Variants in DERL2 observed in about 807,000 individuals in gnomAD.
DERL2 encodes derlin-2.
Under a neutral mutation model 32.0 loss-of-function variants are expected in DERL2, and 13 were observed. The observed-to-expected ratio is 0.41, with a 90% confidence interval of 0.26 to 0.65. The LOEUF (loss-of-function observed/expected upper bound fraction) is 0.65, where lower values mean the gene tolerates loss of function less well. Ranked by LOEUF, DERL2 falls within the 30% of genes least tolerant of loss-of-function variation. The pLI is 0.35. For missense variants in DERL2, 208 were observed against 296.3 expected (o/e 0.70, Z 2.19); for synonymous variants, 111 against 104.7 (o/e 1.06, Z -0.37).
rs1905294907 is a variant in DERL2 at position 5,475,012 on chromosome 17, A to T, written c.615-223T>A. Reference sequence around the variant, plus strand: ...CTACAAAAGCAATCCAAATCATAATAATTACAGAGAAGGAGGAAATAGAGA... The same window carrying T: ...CTACAAAAGCAATCCAAATCATAATTATTACAGAGAAGGAGGAAATAGAGA... On this transcript the variant is annotated intron_variant, in intron 6 of 6. Transcript: ENST00000158771. 2.0e-5 allele frequency among the ~76,000 whole-genome samples: 3 copies of T among 152,226 alleles called. No individual in the cohort carries two copies. In the South Asian group the frequency reaches 6.2e-4, roughly 31 times the overall value.
At chr17:5,484,280 CTT>C (rs897115752) in intron 2 of DERL2, among the ~76,000 whole-genome samples, 11 of 152,230 alleles carry the variant, frequency 7.2e-5, no homozygotes, top group African/African-American at 9.6e-5. Context: ...GGGTTTCGCT[CTT>C]GTCTCCCAGG....
chr17:5,480,883 C>A lies in DERL2; in HGVS notation c.328-301G>T, dbSNP rs573707119. The A allele has an allele frequency of 2.8e-5, 13 of 462,186 alleles. No individual in the cohort carries two copies. In the South Asian group the frequency reaches 3.3e-4, roughly 12 times the overall value. The allele number at this position is 462,186 out of a possible 1,614,324, so 28.6% of individuals were successfully genotyped here. ...CAATAATTATATTAAAGCTTGCTCA[C>A]GATTAGCACCTTTACAGAGATGAAT... On this transcript the variant is annotated intron_variant, in intron 4 of 6. Transcript: ENST00000158771.
At position 5,480,091 on chromosome 17, in the gene DERL2, G is replaced by C. The variant is rs755770900; in HGVS notation, c.577C>G (p.Pro193Ala). Residue 193 changes from proline (P) to alanine (A), a missense_variant, in exon 6 of 7, where the codon CCT becomes GCT. Pro to Ala is a conservative substitution (Grantham distance 27, BLOSUM62 -1). This residue lies in a region of DERL2 where 124 missense variants were observed against 215.3 expected (regional missense o/e 0.58). Transcript: ENST00000158771. ...GTTTTCAGAATTCTTATTCCACCAG[G>C]TTGATTGGGAAATACATCTTCCAAG... ...FFLEDVFPNQ[P>A]GGIRILKTPS... The C allele has an allele frequency of 6.2e-7, 1 of 1,610,466 alleles. No individual in the cohort carries two copies. The highest frequency in any genetic ancestry group is 8.5e-7 in the Non-Finnish European group (1 of 1,177,226).
At chr17:5,485,276 C>CA in intron 1 of DERL2, 60 bp from the exon 2 acceptor site, 2 of 1,279,174 alleles carry the variant, frequency 1.6e-6, no homozygotes, top group Non-Finnish European at 1.1e-6. Flanking sequence ...TCATTTACAA[C>CA]AAAGAATTAG....
At chr17:5,478,844 G>A (rs1905566085) in intron 6 of DERL2, among the ~76,000 whole-genome samples, 1 of 152,196 alleles carries the variant, frequency 6.6e-6, no homozygotes, top group African/African-American at 2.4e-5. Context: ...TTTTGAGACA[G>A]GGTGCCACTC....
At chr17:5,483,509 T>C (rs1055472519) in intron 2 of DERL2, among the ~76,000 whole-genome samples, 3 of 152,078 alleles carry the variant, frequency 2.0e-5, no homozygotes, top group African/African-American at 4.8e-5. Context: ...GAAACCCTGA[T>C]AGACCCTTCC....
rs115971873 is a variant in DERL2 at position 5,485,883 on chromosome 17, A to C, written c.93+186T>G. ...CTGACCTGACCCCCCATGAAGCAGC[A>C]CTCCCTTCTCGCGTCACTGGATAAG... On this transcript the variant is annotated intron_variant, in intron 1 of 6. Coordinates refer to ENST00000158771, the MANE Select transcript of DERL2 (RefSeq NM_016041.5). 1,609 of 471,016 alleles carry C rather than the reference A, an allele frequency of 3.4e-3. 18 individuals carry two copies. Among genetic ancestry groups the C allele is most frequent in the African/African-American group, 0.029 (1,426 of 49,930 alleles). The allele number at this position is 471,016 out of a possible 1,614,324, so 29.2% of individuals were successfully genotyped here.
rs192685679 is a variant in DERL2 at position 5,482,841 on chromosome 17, A to C, written c.201T>G (p.Val67=). 6.6e-7 allele frequency: 1 copy of C among 1,520,882 alleles called. No individual in the cohort carries two copies. The highest frequency in any genetic ancestry group is 9.0e-7 in the Non-Finnish European group (1 of 1,113,318). 94.2% of individuals were successfully genotyped at this position (1,520,882 alleles called of 1,614,324 possible). A position where few individuals can be genotyped will look rare whatever the true frequency, so the allele number is the denominator to read the frequency against. Residue 67 remains valine, a synonymous_variant, in exon 3 of 7, where the codon GTT becomes GTG. Transcript: ENST00000158771. ...LITNFLFFGP[V]GFNFLFNMIF... is the part of the protein sequence containing the mutation. ...TCATGTTAAATAAAAAATTGAATCCAACTGGCCCAAAAAATAAGAAGTTGG... is the reference window on the plus strand; with the variant it reads ...TCATGTTAAATAAAAAATTGAATCCCACTGGCCCAAAAAATAAGAAGTTGG...
intron 2 of DERL2, 82 bp downstream of exon 2, chr17:5,485,069 T>C (rs980930971): frequency 2.1e-6 from 2 of 973,562 alleles, no homozygotes; most frequent in Non-Finnish European, 3.0e-6. Flanking sequence ...TTTTTTAGGA[T>C]AGTGTATAAC....
At chr17:5,478,226 TA>T (rs1905517416) in intron 6 of DERL2, among the ~76,000 whole-genome samples, 1 of 151,594 alleles carries the variant, frequency 6.6e-6, no homozygotes, top group African/African-American at 2.4e-5. Flanking sequence ...AGAAAGAAAA[TA>T]AGCAGAGCTT....
intron 6 of DERL2, among the ~76,000 whole-genome samples, chr17:5,479,532 AAAG>A (rs1905632584): frequency 6.7e-6 from 1 of 150,232 alleles, no homozygotes; most frequent in Non-Finnish European, 1.5e-5. Flanking sequence ...AAAAAGAAAG[AAAG>A]AAATCAAAGT....
In DERL2 at chr17:5,481,105, GT is replaced by G. The variant is rs757993363; in HGVS notation, c.327+190del. The G allele has an allele frequency of 2.9e-5, 18 of 626,674 alleles. No homozygotes were observed. The highest frequency in any genetic ancestry group is 4.5e-5 in the Non-Finnish European group (16 of 354,956). 38.8% of individuals were successfully genotyped at this position (626,674 alleles called of 1,614,324 possible). A position where few individuals can be genotyped will look rare whatever the true frequency, so the allele number is the denominator to read the frequency against. On this transcript the variant is annotated intron_variant, in intron 4 of 6. Coordinates refer to ENST00000158771, the MANE Select transcript of DERL2 (RefSeq NM_016041.5). This position sits in a 1 kb window ranked among gnomAD's most constrained non-coding sequence, Gnocchi z 4.4. ...AGTTGCTTAACAGTAACCCACCTGGGTTAAAAGTTCCTTTGACTTGCTCATC... is the reference window on the plus strand; with the variant it reads ...AGTTGCTTAACAGTAACCCACCTGGGTAAAAGTTCCTTTGACTTGCTCATC...
At chr17:5,476,322 A>G (rs1020677860) in intron 6 of DERL2, among the ~76,000 whole-genome samples, 6 of 152,254 alleles carry the variant, frequency 3.9e-5, no homozygotes, top group Non-Finnish European at 8.8e-5. Flanking sequence ...AGAAAATAGT[A>G]TAATTCAAAA....
intron 6 of DERL2, among the ~76,000 whole-genome samples, chr17:5,475,312 T>C (rs950269402): frequency 1.3e-5 from 2 of 149,894 alleles, no homozygotes; most frequent in Non-Finnish European, 3.0e-5. Flanking sequence ...CAGGCTGGAG[T>C]GCCATGGTGC....
rs1037602106 is a variant in DERL2 at position 5,481,362 on chromosome 17, T to G, written c.261A>C (p.Glu87Asp). 1.9e-6 allele frequency: 3 copies of G among 1,614,080 alleles called. No individual in the cohort carries two copies. The highest frequency in any genetic ancestry group is 1.1e-5 in the South Asian group (1 of 91,084). The part of the protein sequence containing the change: ...FLYRYCRMLE[E>D]GSFRGRTADF... ...CTGCTGTCCGACCTCGGAAAGAGCC[T>G]TCTTCTAGCATTCGACAGTAACGAT... The change falls in exon 4 of 7, where the codon GAA becomes GAC. Residue 87 changes from glutamate to aspartate, a missense_variant. Glu to Asp is a conservative substitution (Grantham distance 45). This residue lies in a region of DERL2 where 124 missense variants were observed against 215.3 expected (regional missense o/e 0.58). Transcript: ENST00000158771. The surrounding 1 kb of genome is among the most constrained non-coding windows in gnomAD (Gnocchi z 4.4).
chr17:5,480,773 A>ATTATCGAGATT, intron 4 of DERL2, 191 bp from the exon 5 acceptor site: 1 of 478,914 alleles, frequency 2.1e-6, no homozygotes, highest in East Asian at 3.5e-5. Flanking sequence ...CTTAGGCTAA[A>ATTATCGAGATT]TTATCGAGAT....
Position 5,474,806 on chromosome 17 carries a change from A to G in DERL2, c.615-17T>C. The G allele has an allele frequency of 1.9e-6, 3 of 1,606,626 alleles. No individual in the cohort carries two copies. The highest frequency in any genetic ancestry group is 2.6e-6 in the Non-Finnish European group (3 of 1,173,944). On this transcript the variant is annotated splice_polypyrimidine_tract_variant and intron_variant, in intron 6 of 6. Coordinates refer to ENST00000158771, the MANE Select transcript of DERL2 (RefSeq NM_016041.5). This position sits in a 1 kb window ranked among gnomAD's most constrained non-coding sequence, Gnocchi z 4.3. Reference sequence around the variant, plus strand: ...ATAGCTTTCCTAAAAGACAAGCAACAGATATAATTTGGTCCCAGAGTCATC... The same window carrying G: ...ATAGCTTTCCTAAAAGACAAGCAACGGATATAATTTGGTCCCAGAGTCATC...
In DERL2 at chr17:5,485,236, T is replaced by C. The variant is rs1272654968; in HGVS notation, c.94-20A>G. 2 of 1,526,256 alleles carry C rather than the reference T, an allele frequency of 1.3e-6. No homozygotes were observed. Among genetic ancestry groups the C allele is most frequent in the East Asian group, 2.3e-5 (1 of 42,656 alleles). 94.5% of individuals were successfully genotyped at this position (1,526,256 alleles called of 1,614,324 possible). A position where few individuals can be genotyped will look rare whatever the true frequency, so the allele number is the denominator to read the frequency against. ...CAACTGCTGAAATAGAAAAAGAGCTTCTTAAAGCAAATCAAGAAACAAAAT... is the reference window on the plus strand; with the variant it reads ...CAACTGCTGAAATAGAAAAAGAGCTCCTTAAAGCAAATCAAGAAACAAAAT... On this transcript the variant is annotated intron_variant, in intron 1 of 6. Coordinates refer to ENST00000158771, the MANE Select transcript of DERL2 (RefSeq NM_016041.5).
chr17:5,475,549 G>T (rs1443203397), intron 6 of DERL2, among the ~76,000 whole-genome samples: 2 of 152,090 alleles, frequency 1.3e-5, no homozygotes, highest in African/African-American at 4.8e-5. Context: ...ATGAGCCACT[G>T]CACCTAGTCA....
Sources: allele counts gnomAD v4.1 joint callset (sites outside exome capture counted in the v4.1 genomes callset), GRCh38; gene constraint gnomAD v4.1.1; regional missense constraint gnomAD v4.1.1; non-coding constraint Gnocchi (gnomAD v3.1); transcripts MANE v1.5; gene names NCBI Gene and HGNC (gene_info 2026-07-23, HGNC 2026-07-21).